The following GRIA1 variants were observed in gnomAD, a reference collection of about 807,000 sequenced individuals.
GRIA1 encodes the protein glutamate receptor 1.
In GRIA1, 31 loss-of-function variants were observed where a neutral mutation model predicts 99.2. The ratio of observed to expected loss-of-function variants is 0.31; its 90% CI spans 0.23 to 0.42. The LOEUF (loss-of-function observed/expected upper bound fraction) is 0.42, where lower values mean the gene tolerates loss of function less well. Among genes scored for constraint, GRIA1 ranks in the 10% least tolerant of loss-of-function variants. The probability of loss-of-function intolerance (pLI) is 1.00; values close to 1 mark genes in which losing one functional copy is unlikely to be tolerated. For synonymous variants in GRIA1, 438 were observed against 432.4 expected (o/e 1.01, Z -0.16); for missense variants, 782 against 1,157.5 (o/e 0.68, Z 4.71).
chr5:153,593,490 A>T (rs545526243), intron 2 of GRIA1, among the ~76,000 whole-genome samples: 1 of 152,180 alleles, frequency 6.6e-6, no homozygotes, highest in Non-Finnish European at 1.5e-5. Context: ...TTACGTTATG[A>T]TGACTAAATA....
At chr5:153,738,770 T>TGAAATGC (rs1340783701) in intron 11 of GRIA1, among the ~76,000 whole-genome samples, 1 of 138,174 alleles carries the variant, frequency 7.2e-6, no homozygotes, top group African/African-American at 2.7e-5. Context: ...TTGCCCAGGC[T>TGAAATGC]GAAATGCAAT....
intron 2 of GRIA1, among the ~76,000 whole-genome samples, chr5:153,598,022 A>T (rs775870461): frequency 7.3e-4 from 111 of 152,152 alleles, no homozygotes; most frequent in Admixed American, 3.9e-3. Context: ...AAAAAGAAGA[A>T]GATCACAGTT....
chr5:153,782,725 C>T (rs1338676107), intron 13 of GRIA1, among the ~76,000 whole-genome samples: 4 of 152,164 alleles, frequency 2.6e-5, no homozygotes, highest in African/African-American at 9.7e-5. Flanking sequence ...CAGGAGGAGG[C>T]AGCATTCCCT....
intron 2 of GRIA1, among the ~76,000 whole-genome samples, chr5:153,593,915 G>A (rs564769009): frequency 3.9e-5 from 6 of 152,312 alleles, no homozygotes; most frequent in African/African-American, 1.2e-4. Context: ...AAGACAACAT[G>A]AGGGTAAATT....
At chr5:153,570,082 C>G (rs893544064) in intron 2 of GRIA1, among the ~76,000 whole-genome samples, 2 of 152,176 alleles carry the variant, frequency 1.3e-5, no homozygotes, top group Non-Finnish European at 2.9e-5. Context: ...TACCCACTGT[C>G]AGCAATGGCC....
intron 2 of GRIA1, among the ~76,000 whole-genome samples, chr5:153,564,415 T>G (rs1327469990): frequency 6.6e-6 from 1 of 152,208 alleles, no homozygotes; most frequent in Non-Finnish European, 1.5e-5. Context: ...TACCTGTTGC[T>G]GCATAACAAA....
chr5:153,721,528 A>G (rs1008696429), intron 11 of GRIA1, among the ~76,000 whole-genome samples: 19 of 152,336 alleles, frequency 1.2e-4, no homozygotes, highest in African/African-American at 4.6e-4. Context: ...CACTTCTCCC[A>G]TGACAGGAGT....
chr5:153,755,764 T>G (rs553091011), intron 11 of GRIA1: 1 of 152,238 alleles, frequency 6.6e-6, no homozygotes, highest in South Asian at 2.1e-4. Context: ...TCTGCAGCCA[T>G]CCACAGGAAA....
At chr5:153,667,701 T>TTA (rs1299322964) in intron 5 of GRIA1, among the ~76,000 whole-genome samples, 2 of 152,192 alleles carry the variant, frequency 1.3e-5, no homozygotes, top group Non-Finnish European at 2.9e-5. Flanking sequence ...AAGTAACCAG[T>TTA]AGACACATAT....
intron 2 of GRIA1, among the ~76,000 whole-genome samples, chr5:153,606,339 A>G (rs1353878981): frequency 6.6e-6 from 1 of 152,096 alleles, no homozygotes; most frequent in Non-Finnish European, 1.5e-5. Context: ...TGTATCTGGA[A>G]CAGGAAGCTT....
chr5:153,573,112 C>T (rs1762261219), intron 2 of GRIA1: 3 of 152,296 alleles, frequency 2.0e-5, no homozygotes, highest in South Asian at 4.1e-4. Context: ...CTAATGAGCA[C>T]ATCTCCTCAT....
intron 11 of GRIA1, among the ~76,000 whole-genome samples, chr5:153,731,844 CG>C (rs1264175930): frequency 2.6e-5 from 4 of 152,002 alleles, no homozygotes; most frequent in African/African-American, 9.7e-5. Context: ...CTTAGGTATC[CG>C]GAACTTATTA....
At chr5:153,494,718 G>A (rs1292921796) in intron 2 of GRIA1, among the ~76,000 whole-genome samples, 3 of 152,120 alleles carry the variant, frequency 2.0e-5, no homozygotes, top group Non-Finnish European at 2.9e-5. Context: ...GTAAAATGTG[G>A]GCAACAAACA....
chr5:153,711,984 G>A (rs925839139), intron 11 of GRIA1, among the ~76,000 whole-genome samples: 5 of 152,184 alleles, frequency 3.3e-5, no homozygotes, highest in African/African-American at 4.8e-5. Flanking sequence ...TAAGGCGGGG[G>A]GAGTGATGGT....
In GRIA1 at chr5:153,643,405, A is replaced by G. The variant is rs536992218; in HGVS notation, c.221-3523A>G. On this transcript the variant is annotated intron_variant, in intron 2 of 15. Transcript: ENST00000285900. ...TGACAGCTAGCCTAGTACTTTGTCT[A>G]CAGAACCATGTTATCTCTTCTGATT... 1.6e-3 allele frequency among the ~76,000 whole-genome samples: 238 copies of G among 152,314 alleles called. 1 individual carries two copies. Among genetic ancestry groups the G allele is most frequent in the Non-Finnish European group, 1.8e-3 (121 of 68,024 alleles).
At chr5:153,588,610 T>A (rs1763703283) in intron 2 of GRIA1, among the ~76,000 whole-genome samples, 1 of 152,224 alleles carries the variant, frequency 6.6e-6, no homozygotes, top group Non-Finnish European at 1.5e-5. Flanking sequence ...GATTGCTTAA[T>A]CCTGCTGAGC....
At chr5:153,517,187 C>T (rs1242111639) in intron 2 of GRIA1, among the ~76,000 whole-genome samples, 2 of 152,156 alleles carry the variant, frequency 1.3e-5, no homozygotes, top group Non-Finnish European at 2.9e-5. Context: ...TACCCAGAGG[C>T]CCGAACCAGC....
At chr5:153,667,791 G>A (rs931869275) in intron 5 of GRIA1, among the ~76,000 whole-genome samples, 1 of 152,130 alleles carries the variant, frequency 6.6e-6, no homozygotes, top group African/African-American at 2.4e-5. Flanking sequence ...GATTCTTAAA[G>A]CATTCTCCAA....
chr5:153,626,783 T>C (rs1581359185), intron 2 of GRIA1, among the ~76,000 whole-genome samples: 2 of 152,044 alleles, frequency 1.3e-5, no homozygotes, highest in Non-Finnish European at 2.9e-5. Flanking sequence ...CCAGCGACTA[T>C]AGGGACTAAT....
Sources: gnomAD v4.1 joint callset for allele counts (sites outside exome capture counted in the v4.1 genomes callset) on GRCh38, gnomAD v4.1.1 for gene constraint, MANE v1.5 for transcripts, NCBI Gene and HGNC (gene_info 2026-07-23, HGNC 2026-07-21) for gene names.